COL27A1: variants seen among roughly 807,000 people sequenced by gnomAD.
COL27A1 encodes the protein collagen type XXVII alpha 1 chain.
In COL27A1, 106 loss-of-function variants were observed where a neutral mutation model predicts 251.3. That is an observed-to-expected ratio of 0.42 (90% CI 0.36 to 0.50). The LOEUF is 0.50. Ranked by LOEUF, COL27A1 falls within the 20% of genes least tolerant of loss-of-function variation. The pLI, the probability that COL27A1 is intolerant of heterozygous loss-of-function variation, is 0.00. For synonymous variants in COL27A1, 1,000 were observed against 986.3 expected (o/e 1.01, Z -0.26); for missense variants, 2,325 against 2,522.8 (o/e 0.92, Z 1.68).
At chr9:114,304,364 C>G (rs1395534496) in intron 56 of COL27A1, among the ~76,000 whole-genome samples, 1 of 152,186 alleles carries the variant, frequency 6.6e-6, no homozygotes, top group Non-Finnish European at 1.5e-5. Flanking sequence ...CAAACTGGGT[C>G]TTATAACCAT....
rs1829393833 is a variant in COL27A1, at chr9:114,310,777, T to C, written c.*82T>C. The C allele has an allele frequency of 2.7e-6, 4 of 1,481,594 alleles. No individual in the cohort carries two copies. The African/African-American group carries it at 5.6e-5, about 21-fold the overall frequency. The allele number at this position is 1,481,594 out of a possible 1,614,324, so 91.8% of individuals were successfully genotyped here. A position where few individuals can be genotyped will look rare whatever the true frequency, so the allele number is the denominator to read the frequency against. ...GGGAGGGTACTGAGGGGCAGATGGC[T>C]CCAGGAGAGGCAGCTCCCCTGCCCA... On this transcript the variant is annotated 3_prime_UTR_variant, in exon 61 of 61. Transcript: ENST00000356083.
At chr9:114,191,014 A>G (rs1007786773) in intron 5 of COL27A1, among the ~76,000 whole-genome samples, 2 of 152,212 alleles carry the variant, frequency 1.3e-5, no homozygotes, top group Non-Finnish European at 2.9e-5. Context: ...TCACCTGTCT[A>G]GGGGTACCTT....
chr9:114,229,956 C>G (rs574620504), intron 14 of COL27A1, among the ~76,000 whole-genome samples: 1 of 152,214 alleles, frequency 6.6e-6, no homozygotes, highest in African/African-American at 2.4e-5. Context: ...GCCTACCAGA[C>G]GCCAATAGCA....
intron 10 of COL27A1, among the ~76,000 whole-genome samples, chr9:114,209,034 G>A (rs566866187): frequency 2.4e-4 from 36 of 152,238 alleles, no homozygotes; most frequent in African/African-American, 8.2e-4. Context: ...AGGAATTCCC[G>A]AAGAGAATTC....
At chr9:114,232,605 G>A (rs550083784) in intron 16 of COL27A1, among the ~76,000 whole-genome samples, 7 of 152,332 alleles carry the variant, frequency 4.6e-5, no homozygotes, top group Non-Finnish European at 7.4e-5. Context: ...TGAGACATCC[G>A]AAGGACTGAC....
chr9:114,310,762 T>G lies in COL27A1; in HGVS notation c.*67T>G. The G allele has an allele frequency of 1.3e-6, 2 of 1,567,382 alleles. No individual in the cohort carries two copies. Among genetic ancestry groups the G allele is most frequent in the Non-Finnish European group, 1.7e-6 (2 of 1,144,812 alleles). On this transcript the variant is annotated 3_prime_UTR_variant, in exon 61 of 61. Coordinates refer to ENST00000356083, the MANE Select transcript of COL27A1 (RefSeq NM_032888.4). ...AGAGGAAGAGGCAAGGGGAGGGTAC[T>G]GAGGGGCAGATGGCTCCAGGAGAGG...
intron 38 of COL27A1, 45 bp downstream of exon 38, chr9:114,282,375 C>A: frequency 6.2e-7 from 1 of 1,611,324 alleles, no homozygotes; most frequent in Non-Finnish European, 8.5e-7. Flanking sequence ...CCCTCCCCCG[C>A]ATCCCTTCCC....
At chr9:114,224,175 G>A (rs191406249) in intron 14 of COL27A1, among the ~76,000 whole-genome samples, 2 of 152,334 alleles carry the variant, frequency 1.3e-5, no homozygotes, top group East Asian at 3.9e-4. Flanking sequence ...TATCTGCCAT[G>A]GGAATTCGAG....
chr9:114,289,380 G>GCCTCT, intron 45 of COL27A1, 85 bp downstream of exon 45: 2 of 1,315,620 alleles, frequency 1.5e-6, no homozygotes, highest in Non-Finnish European at 2.1e-6. Context: ...ACCAAACGCA[G>GCCTCT]GCTGCAGAGG....
At chr9:114,269,777 G>A (rs886845224) in intron 35 of COL27A1, among the ~76,000 whole-genome samples, 2 of 152,186 alleles carry the variant, frequency 1.3e-5, no homozygotes, top group African/African-American at 4.8e-5. Flanking sequence ...TGTCTCTGGA[G>A]CTTGCATTCC....
At position 114,207,321 on chromosome 9, in the gene COL27A1, A is replaced by G. The variant is rs537079393; in HGVS notation, c.2268+1025A>G. Among the ~76,000 whole-genome samples the G allele has an allele frequency of 5.9e-5, 9 of 152,132 alleles. No homozygotes were observed. The South Asian group carries it at 1.5e-3, about 25-fold the overall frequency. On this transcript the variant is annotated intron_variant, in intron 10 of 60. Coordinates refer to ENST00000356083, the MANE Select transcript of COL27A1 (RefSeq NM_032888.4). ...GGCGGGAGTGGGGGCGGGGAGGTGCATTCCCCAGGAGGTTACTGTGACAGG... is the reference window on the plus strand; with the variant it reads ...GGCGGGAGTGGGGGCGGGGAGGTGCGTTCCCCAGGAGGTTACTGTGACAGG...
rs776282688 is a variant in COL27A1 at position 114,205,111 on chromosome 9, G to T, written c.2134G>T (p.Gly712Cys). ...PGPPGRKGHKGYPGPAGHPGE... is the reference protein window; with the variant it reads ...PGPPGRKGHKCYPGPAGHPGE... ...CTTCCCCCTCCAACAGGGACACAAG[G>T]GCTATCCTGGACCGGCAGGGCACCC... Residue 712 changes from glycine to cysteine, a missense_variant, in exon 8 of 61, where the codon GGC becomes TGC. Physicochemically the swap from Gly to Cys is radical, Grantham distance 159 (BLOSUM62 -3). Transcript: ENST00000356083. 6 of 1,613,696 alleles carry T rather than the reference G, an allele frequency of 3.7e-6. No homozygotes were observed. The highest frequency in any genetic ancestry group is 5.1e-6 in the Non-Finnish European group (6 of 1,179,988).
chr9:114,166,586 A>G (rs987543446), intron 2 of COL27A1, among the ~76,000 whole-genome samples: 14 of 152,202 alleles, frequency 9.2e-5, no homozygotes, highest in Admixed American at 2.6e-4. Context: ...CTCAGGGCCT[A>G]TCTTGCTGAG....
intron 3 of COL27A1, 88 bp from the exon 4 acceptor site, chr9:114,178,203 T>C: frequency 9.0e-7 from 1 of 1,115,778 alleles, no homozygotes. Flanking sequence ...TGCCCACAGC[T>C]GCAGGCGGGA....
chr9:114,199,049 A>C (rs1451070849), intron 7 of COL27A1, among the ~76,000 whole-genome samples: 1 of 152,202 alleles, frequency 6.6e-6, no homozygotes, highest in African/African-American at 2.4e-5. Flanking sequence ...ATCTGGTAGC[A>C]CTAGTCATTT....
At chr9:114,240,593 G>A in intron 21 of COL27A1, 106 bp downstream of exon 21, 1 of 1,061,260 alleles carries the variant, frequency 9.4e-7, no homozygotes, top group Non-Finnish European at 1.4e-6. Context: ...AGCCCCCTCA[G>A]CCAGGACACC....
In COL27A1 at chr9:114,155,858, C is replaced by A. The variant is rs1002422734; in HGVS notation, c.-93C>A. 5.0e-6 allele frequency: 5 copies of A among 1,003,640 alleles called. No individual in the cohort carries two copies. Among genetic ancestry groups the A allele is most frequent in the African/African-American group, 1.7e-5 (1 of 57,558 alleles). The allele number at this position is 1,003,640 out of a possible 1,614,324, so 62.2% of individuals were successfully genotyped here. A position where few individuals can be genotyped will look rare whatever the true frequency, so the allele number is the denominator to read the frequency against. On this transcript the variant is annotated 5_prime_UTR_variant, in exon 1 of 61. Coordinates refer to ENST00000356083, the MANE Select transcript of COL27A1 (RefSeq NM_032888.4). This position sits in a 1 kb window ranked among gnomAD's most constrained non-coding sequence, Gnocchi z 5.5. ...GGGCGCGGGGGCCGCGCGCTCTAAG[C>A]CGGCCTGGCGCGGCGGGGCGGGGGG...
rs751016513 is a variant in COL27A1, at chr9:114,282,458, G to T, written c.3773G>T (p.Gly1258Val). Residue 1258 changes from glycine to valine, a missense_variant and splice_region_variant, in exon 39 of 61, where the codon GGT (glycine) becomes GTT (valine). By Grantham distance (109) the Gly-to-Val change is moderately radical. Transcript: ENST00000356083. ...AGCTTGTCTTTCCTCCTGTTGCAGGGTGCCAAGGGCTATCAAGGACAGCTG... is the reference window on the plus strand; with the variant it reads ...AGCTTGTCTTTCCTCCTGTTGCAGGTTGCCAAGGGCTATCAAGGACAGCTG... Reference protein sequence around the residue: ...QGEKGRTGAKGAKGYQGQLGE... With the variant: ...QGEKGRTGAKVAKGYQGQLGE... The T allele has an allele frequency of 6.2e-7, 1 of 1,606,328 alleles. No homozygotes were observed. Among genetic ancestry groups the T allele is most frequent in the South Asian group, 1.1e-5 (1 of 89,982 alleles).
At chr9:114,229,051 TG>T (rs1211069129) in intron 14 of COL27A1, among the ~76,000 whole-genome samples, 1 of 152,198 alleles carries the variant, frequency 6.6e-6, no homozygotes, top group African/African-American at 2.4e-5. Flanking sequence ...CTTGAACTCC[TG>T]GCCTCAAGCA....
Sources: gnomAD v4.1 joint callset for allele counts (sites outside exome capture counted in the v4.1 genomes callset) on GRCh38, gnomAD v4.1.1 for gene constraint, Gnocchi (gnomAD v3.1) non-coding constraint, MANE v1.5 for transcripts, NCBI Gene and HGNC (gene_info 2026-07-23, HGNC 2026-07-21) for gene names.